Variants in URI1 observed in about 807,000 individuals in gnomAD.
The protein encoded by URI1 is unconventional prefoldin RPB5 interactor 1.
Under a neutral mutation model 60.2 loss-of-function variants are expected in URI1, and 39 were observed. The observed-to-expected ratio is 0.65, with a 90% CI of 0.50 to 0.85. The LOEUF (loss-of-function observed/expected upper bound fraction) is 0.85. Among genes scored for constraint, URI1 ranks in the 40% least tolerant of loss-of-function variants. The probability of loss-of-function intolerance (pLI) is 0.00; values close to 1 mark genes in which losing one functional copy is unlikely to be tolerated. For missense variants in URI1, 691 were observed against 665.9 expected (o/e 1.04, Z -0.42); for synonymous variants, 251 against 236.8 (o/e 1.06, Z -0.55).
chr19:29,941,665 C>G (rs2055025644), upstream of URI1, among the ~76,000 whole-genome samples: 1 of 151,400 alleles, frequency 6.6e-6, no homozygotes. Context: ...CAAAGTTATC[C>G]TTGGAAAATT....
rs189945640 is a variant in URI1, at chr19:30,002,833, A to G, written c.368-2528A>G. Among the ~76,000 whole-genome samples, 59 of 152,138 alleles carry G rather than the reference A, an allele frequency of 3.9e-4. 1 individual carries two copies. Among genetic ancestry groups the G allele is most frequent in the African/African-American group, 1.4e-3 (57 of 41,560 alleles). On this transcript the variant is annotated intron_variant, in intron 4 of 10. Transcript: ENST00000392271. ...ATTAAAATGAATACAGATATTGTCT[A>G]TATCACAAAGTATATTTCTTTTTCT...
chr19:29,972,871 G>A (rs2055476321), intron 2 of URI1, among the ~76,000 whole-genome samples: 1 of 152,070 alleles, frequency 6.6e-6, no homozygotes, highest in Non-Finnish European at 1.5e-5. Context: ...TAGAAGCTTA[G>A]CATATTTGCC....
chr19:30,003,487 A>G (rs943487572), intron 4 of URI1, among the ~76,000 whole-genome samples: 1 of 152,080 alleles, frequency 6.6e-6, no homozygotes, highest in African/African-American at 2.4e-5. Context: ...ATATTAATGT[A>G]TGATTCAGAA....
At chr19:29,992,319 C>G (rs1461441355) in intron 4 of URI1, among the ~76,000 whole-genome samples, 1 of 152,210 alleles carries the variant, frequency 6.6e-6, no homozygotes, top group African/African-American at 2.4e-5. Context: ...ATCTGCCTAC[C>G]TTGGCCTCCC....
chr19:30,004,170 C>G (rs549732174), intron 4 of URI1: 1 of 152,076 alleles, frequency 6.6e-6, no homozygotes, highest in African/African-American at 2.4e-5. Context: ...TGATCTAGAG[C>G]GACATCAGGG....
In URI1 at chr19:30,015,689, T is replaced by C. The variant is rs1599732297; in HGVS notation, c.*620T>C. ...AACTTTTTTTTCCAAGTAAAAACTT[T>C]ATGAAACTTGGTCTCAAAAATGTTG... On this transcript the variant is annotated 3_prime_UTR_variant, in exon 11 of 11. Coordinates refer to ENST00000392271, the MANE Select transcript of URI1 (RefSeq NM_003796.3). The C allele has an allele frequency of 2.7e-6, 3 of 1,121,992 alleles. No individual in the cohort carries two copies. Among genetic ancestry groups the C allele is most frequent in the Non-Finnish European group, 3.8e-6 (3 of 799,322 alleles). The allele number at this position is 1,121,992 out of a possible 1,614,324, so 69.5% of individuals were successfully genotyped here.
At position 29,971,177 on chromosome 19, in the gene URI1, T is replaced by C. The variant is rs750460615; in HGVS notation, c.118-16T>C. 1.6e-5 allele frequency: 25 copies of C among 1,611,968 alleles called. No individual in the cohort carries two copies. The highest frequency in any genetic ancestry group is 3.3e-5 in the Admixed American group (2 of 59,930). On this transcript the variant is annotated splice_polypyrimidine_tract_variant and intron_variant, in intron 1 of 10. Transcript: ENST00000392271. ...AGCTCTGTTTTTTCATGAGTAGTTA[T>C]CTGTTTTCATGACAGGTGGTCACTA...
chr19:29,985,175 A>C (rs2903297), intron 2 of URI1, 48 bp from the exon 3 acceptor site: 5 of 283,288 alleles, frequency 1.8e-5, no homozygotes, highest in East Asian at 9.0e-5. Flanking sequence ...AAAAAAAAAA[A>C]AAGAAAAATC....
intron 1 of URI1, among the ~76,000 whole-genome samples, chr19:29,931,354 T>A (rs547046318): frequency 9.2e-5 from 14 of 152,344 alleles, no homozygotes; most frequent in Non-Finnish European, 2.1e-4. Context: ...CAGTTTCTCA[T>A]GAAGTTTCTC....
At chr19:29,925,208 G>A (rs750448987) in intron 1 of URI1, among the ~76,000 whole-genome samples, 56 of 152,340 alleles carry the variant, frequency 3.7e-4, no homozygotes, top group Non-Finnish European at 7.5e-4. Context: ...TACAAGGCCC[G>A]CACATGAAGG....
chr19:29,977,152 G>A (rs1347009212), intron 2 of URI1, among the ~76,000 whole-genome samples: 2 of 146,454 alleles, frequency 1.4e-5, no homozygotes, highest in African/African-American at 2.5e-5. Context: ...TTTTTTTCCT[G>A]TTGGAGCTAC....
At chr19:30,002,938 C>T (rs2055896186) in intron 4 of URI1, among the ~76,000 whole-genome samples, 1 of 151,752 alleles carries the variant, frequency 6.6e-6, no homozygotes, top group Admixed American at 6.6e-5. Context: ...ATGTTTGGAG[C>T]GTTAAAATTG....
At chr19:29,987,937 G>T (rs2055692926) in intron 4 of URI1, among the ~76,000 whole-genome samples, 1 of 152,150 alleles carries the variant, frequency 6.6e-6, no homozygotes, top group Non-Finnish European at 1.5e-5. Flanking sequence ...GGAGGACAAG[G>T]CAGGTGGATC....
chr19:29,948,614 C>T (rs754182421), intron 1 of URI1, among the ~76,000 whole-genome samples: 4 of 152,106 alleles, frequency 2.6e-5, no homozygotes, highest in Admixed American at 6.5e-5. Flanking sequence ...ATCCATTTAA[C>T]CCTGAGTGGA....
At position 30,012,483 on chromosome 19, in the gene URI1, A is replaced by C. The variant is rs200935752; in HGVS notation, c.1377A>C (p.Glu459Asp). 4.2e-5 allele frequency: 68 copies of C among 1,614,114 alleles called. No homozygotes were observed. Among genetic ancestry groups the C allele is most frequent in the Admixed American group, 1.3e-4 (8 of 60,010 alleles). The change falls in exon 10 of 11, where the codon GAA becomes GAC. Residue 459 changes from glutamate to aspartate, a missense_variant. Coordinates refer to ENST00000392271, the MANE Select transcript of URI1 (RefSeq NM_003796.3). The part of the protein sequence containing the change: ...SDTSESILEE[E>D]PQENQKKLLP... ...CCAGTGAGAGCATTTTGGAAGAGGA[A>C]CCACAAGAAAATCAAAAGAAACTTT...
At chr19:30,009,576 G>T (rs1041946458) in intron 8 of URI1, among the ~76,000 whole-genome samples, 4 of 152,018 alleles carry the variant, frequency 2.6e-5, no homozygotes, top group Admixed American at 6.6e-5. Flanking sequence ...CATTGTTTGG[G>T]GTCTGGAAGG....
chr19:29,940,788 T>C (rs187435764), upstream of URI1, among the ~76,000 whole-genome samples: 123 of 152,212 alleles, frequency 8.1e-4, no homozygotes, highest in Admixed American at 2.4e-3. Context: ...CACAGGACTA[T>C]GTGGTCGCGG....
At chr19:29,941,173 G>C (rs985649434), upstream of URI1, among the ~76,000 whole-genome samples, 1 of 152,214 alleles carries the variant, frequency 6.6e-6, no homozygotes, top group Non-Finnish European at 1.5e-5. Flanking sequence ...TCTCTGCCTA[G>C]ACTTGTCTGT....
In URI1 at chr19:29,949,030, C is replaced by T. The variant is rs543818982; in HGVS notation, c.117+6366C>T. The stretch of plus-strand genomic sequence containing the variant: ...GGCTGCCCCCCGCCTCCCTCCCGGA[C>T]GGGGCAGCTGGCCGGGCGGGGGCTG... On this transcript the variant is annotated intron_variant, in intron 1 of 10. Transcript: ENST00000392271. Among the ~76,000 whole-genome samples, 704 of 141,548 alleles carry T rather than the reference C, an allele frequency of 5.0e-3. 15 individuals carry two copies. The highest frequency in any genetic ancestry group is 0.043 in the Admixed American group (630 of 14,642). The allele number at this position is 141,548 out of a possible 152,430, so 92.9% of individuals were successfully genotyped here.
Sources: allele counts gnomAD v4.1 joint callset (sites outside exome capture counted in the v4.1 genomes callset), GRCh38; gene constraint gnomAD v4.1.1; transcripts MANE v1.5; gene names NCBI Gene and HGNC (gene_info 2026-07-23, HGNC 2026-07-21).